ABL2: variants seen among roughly 807,000 people sequenced by gnomAD.
ABL2 encodes tyrosine-protein kinase ABL2.
Under a neutral mutation model 107.7 loss-of-function variants are expected in ABL2, and 49 were observed. That is an observed-to-expected ratio of 0.45 (90% confidence interval 0.36 to 0.58). The LOEUF (loss-of-function observed/expected upper bound fraction) is 0.58. ABL2 is among the 20% of genes least tolerant of loss of function. ABL2 has a pLI of 0.00. For missense variants in ABL2, 1,245 were observed against 1,457.0 expected (o/e 0.85, Z 2.37); for synonymous variants, 549 against 548.6 (o/e 1.00, Z -0.01).
chr1:179,131,382 C>A lies in ABL2; in HGVS notation c.320G>T (p.Ser107Ile). 1 of 1,614,210 alleles carries A rather than the reference C, an allele frequency of 6.2e-7. No individual in the cohort carries two copies. Among genetic ancestry groups the A allele is most frequent in the South Asian group, 1.1e-5 (1 of 91,088 alleles). The change falls in exon 3 of 12, where the codon AGT (serine) becomes ATT (isoleucine). Residue 107 changes from serine to isoleucine, a missense_variant. By Grantham distance (142) the Ser-to-Ile change is moderately radical (BLOSUM62 -2). This residue lies in a region of ABL2 where 164 missense variants were observed against 143.7 expected (regional missense o/e 1.14). Transcript: ENST00000502732. ...SKENLLGATE[S>I]DPNLFVALYD... ...AAGTGCAACGAAGAGATTAGGGTCA[C>A]TCTCAGTGGCTCCGAGCAAGTTCTC...
intron 6 of ABL2, 42 bp from the exon 7 acceptor site, chr1:179,118,806 T>A (rs1654902944): frequency 6.3e-7 from 1 of 1,598,084 alleles, no homozygotes; most frequent in Non-Finnish European, 8.6e-7. Flanking sequence ...TAGTGTACAT[T>A]CAAACACTCC....
In ABL2 at chr1:179,197,737, C is replaced by T. The variant is rs376676747; in HGVS notation, c.157+31504G>A. Among the ~76,000 whole-genome samples, 14 of 151,808 alleles carry T rather than the reference C, an allele frequency of 9.2e-5. No homozygotes were observed. In the East Asian group the frequency reaches 2.7e-3, roughly 29 times the overall value. ...TACAAAAATTAACCAGGCGTGGTGG[C>T]ATGTGACTGTAGTCCCAGCTAATCG... On this transcript the variant is annotated intron_variant, in intron 1 of 11. Transcript: ENST00000502732.
In ABL2 at chr1:179,107,620, A is replaced by G. The variant is rs1653557094; in HGVS notation, c.*98T>C. 6.6e-7 allele frequency: 1 copy of G among 1,513,660 alleles called. No homozygotes were observed. The highest frequency in any genetic ancestry group is 8.8e-7 in the Non-Finnish European group (1 of 1,134,048). 93.8% of individuals were successfully genotyped at this position (1,513,660 alleles called of 1,614,324 possible). On this transcript the variant is annotated 3_prime_UTR_variant, in exon 12 of 12. Coordinates refer to ENST00000502732, the MANE Select transcript of ABL2 (RefSeq NM_007314.4). Reference sequence around the variant, plus strand: ...GTACTTCACATAAACACACTCAAGTATGAGTCTTTCATTTTCTGAAAACAA... The same window carrying G: ...GTACTTCACATAAACACACTCAAGTGTGAGTCTTTCATTTTCTGAAAACAA...
chr1:179,174,242 C>T (rs981302531), intron 1 of ABL2, among the ~76,000 whole-genome samples: 1 of 151,062 alleles, frequency 6.6e-6, no homozygotes, highest in South Asian at 2.1e-4. Context: ...GAGCCGAGAT[C>T]GTGCCACTGC....
chr1:179,109,108 C>T lies in ABL2; in HGVS notation c.2159G>A (p.Gly720Glu), dbSNP rs570913241. Reference protein sequence around the residue: ...ANLVPPKCYGGSFAQRNLCND... With the variant: ...ANLVPPKCYGESFAQRNLCND... ...ACAGAGGTTCCTCTGTGCAAAGCTCCCCCCATAGCACTTGGGTGGCACCAG... is the reference window on the plus strand; with the variant it reads ...ACAGAGGTTCCTCTGTGCAAAGCTCTCCCCATAGCACTTGGGTGGCACCAG... The change falls in exon 12 of 12, where the codon GGG (glycine) becomes GAG (glutamate). Residue 720 changes from glycine to glutamate, a missense_variant. Physicochemically the swap from Gly to Glu is moderately conservative, Grantham distance 98. Around this residue, in one of 3 missense-constraint regions of ABL2, gnomAD observed 761 missense variants for 766.4 expected, o/e 0.99. Coordinates refer to ENST00000502732, the MANE Select transcript of ABL2 (RefSeq NM_007314.4). The T allele has an allele frequency of 5.6e-6, 9 of 1,612,698 alleles. No individual in the cohort carries two copies. The highest frequency in any genetic ancestry group is 1.7e-4 in the Middle Eastern group (1 of 6,052).
At chr1:179,185,480 A>T (rs1483453549) in intron 1 of ABL2, among the ~76,000 whole-genome samples, 1 of 152,182 alleles carries the variant, frequency 6.6e-6, no homozygotes, top group Non-Finnish European at 1.5e-5. Flanking sequence ...TGGAAAGGAA[A>T]GATGATGCTC....
At chr1:179,157,950 CTT>C (rs1215471068) in intron 1 of ABL2, among the ~76,000 whole-genome samples, 1 of 152,206 alleles carries the variant, frequency 6.6e-6, no homozygotes. Flanking sequence ...AAAGGAATGA[CTT>C]TGTGTATTTA....
chr1:179,174,049 G>A (rs2102780752), intron 1 of ABL2, among the ~76,000 whole-genome samples: 1 of 152,282 alleles, frequency 6.6e-6, no homozygotes, highest in Non-Finnish European at 1.5e-5. Flanking sequence ...CAGCATTTTG[G>A]GAGGCCGAGG....
chr1:179,166,533 C>T (rs998091750), intron 1 of ABL2, among the ~76,000 whole-genome samples: 1 of 151,998 alleles, frequency 6.6e-6, no homozygotes. Context: ...AATCCCAGCA[C>T]TTTGGGAGGC....
At chr1:179,227,311 C>T (rs916373412) in intron 1 of ABL2, among the ~76,000 whole-genome samples, 1 of 152,166 alleles carries the variant, frequency 6.6e-6, no homozygotes, top group African/African-American at 2.4e-5. Context: ...TTGACTCTTC[C>T]AATTTTTGCT....
chr1:179,127,600 C>T (rs936390511), intron 3 of ABL2, among the ~76,000 whole-genome samples: 1 of 152,200 alleles, frequency 6.6e-6, no homozygotes, highest in Non-Finnish European at 1.5e-5. Flanking sequence ...AGAGATATCA[C>T]TAGTGATAAA....
chr1:179,143,165 G>T, intron 1 of ABL2: 1 of 1,299,216 alleles, frequency 7.7e-7, no homozygotes, highest in Non-Finnish European at 1.0e-6. Context: ...AGTGGCCAGA[G>T]GGAACCAATA....
Position 179,229,519 on chromosome 1 carries a change from G to A in ABL2, c.-122C>T. The A allele has an allele frequency of 9.3e-7, 1 of 1,071,158 alleles. No individual in the cohort carries two copies. The highest frequency in any genetic ancestry group is 1.2e-6 in the Non-Finnish European group (1 of 811,200). The allele number at this position is 1,071,158 out of a possible 1,614,324, so 66.4% of individuals were successfully genotyped here. On this transcript the variant is annotated 5_prime_UTR_variant, in exon 1 of 12. Coordinates refer to ENST00000502732, the MANE Select transcript of ABL2 (RefSeq NM_007314.4). ...CCCAGCCCAGGCCCTGGCCCTGAGT[G>A]GCTGGGCCACCGGCGGCTCCGCACC...
chr1:179,229,205 C>CCCCCCCCCCCCCCCCCCAA, intron 1 of ABL2, 36 bp downstream of exon 1: 1 of 1,461,772 alleles, frequency 6.8e-7, no homozygotes, highest in Non-Finnish European at 9.1e-7. Context: ...CCCCGGCCTC[C>CCCCCCCCCCCCCCCCCCAA]CCCACGCTCT....
intron 1 of ABL2, among the ~76,000 whole-genome samples, chr1:179,220,297 G>C (rs949094331): frequency 6.6e-6 from 1 of 152,200 alleles, no homozygotes; most frequent in Admixed American, 6.5e-5. Flanking sequence ...TTCTTCAAAA[G>C]CTCTAAAAAC....
intron 1 of ABL2, among the ~76,000 whole-genome samples, chr1:179,180,837 TTAA>T (rs1660336950): frequency 6.6e-6 from 1 of 152,238 alleles, no homozygotes; most frequent in African/African-American, 2.4e-5. Flanking sequence ...CAGAGTATAC[TTAA>T]TAATAATTCC....
intron 1 of ABL2, among the ~76,000 whole-genome samples, chr1:179,178,502 C>T (rs1329064202): frequency 6.6e-6 from 1 of 151,650 alleles, no homozygotes. Flanking sequence ...ATAGTTTCCT[C>T]GTCCACTGTT....
At position 179,201,983 on chromosome 1, in the gene ABL2, A is replaced by T. The variant is rs966092824; in HGVS notation, c.157+27258T>A. On this transcript the variant is annotated intron_variant, in intron 1 of 11. Coordinates refer to ENST00000502732, the MANE Select transcript of ABL2 (RefSeq NM_007314.4). Reference sequence around the variant, plus strand: ...GCTCAATCTCAGGGGTCCGAGGAACAGCAGGAGAGGAGAGGGAAGGGAGCC... The same window carrying T: ...GCTCAATCTCAGGGGTCCGAGGAACTGCAGGAGAGGAGAGGGAAGGGAGCC... The T allele has an allele frequency of 2.8e-6, 3 of 1,054,900 alleles. No individual in the cohort carries two copies. The African/African-American group carries it at 5.0e-5, about 18-fold the overall frequency. 65.3% of individuals were successfully genotyped at this position (1,054,900 alleles called of 1,614,324 possible). A position where few individuals can be genotyped will look rare whatever the true frequency, so the allele number is the denominator to read the frequency against.
intron 1 of ABL2, among the ~76,000 whole-genome samples, chr1:179,192,858 G>C (rs1661094845): frequency 6.6e-6 from 1 of 152,132 alleles, no homozygotes; most frequent in Non-Finnish European, 1.5e-5. Flanking sequence ...TTCAAGTACA[G>C]AACTTTTCAC....
Sources: gnomAD v4.1 joint callset for allele counts (sites outside exome capture counted in the v4.1 genomes callset) on GRCh38, gnomAD v4.1.1 for gene constraint, gnomAD v4.1.1 regional missense constraint, MANE v1.5 for transcripts, NCBI Gene and HGNC (gene_info 2026-07-23, HGNC 2026-07-21) for gene names.